Variants in PLCXD3 observed in about 807,000 individuals in gnomAD.
PLCXD3 encodes PI-PLC X domain-containing protein 3.
In PLCXD3, 19 loss-of-function variants were observed where a neutral mutation model predicts 25.5. That is an observed-to-expected ratio of 0.75 (90% CI 0.52 to 1.09). The LOEUF (loss-of-function observed/expected upper bound fraction) is 1.09, where lower values mean the gene tolerates loss of function less well. Ranked by LOEUF, PLCXD3 falls within the 50% of genes least tolerant of loss-of-function variation. The pLI is 0.00. For synonymous variants in PLCXD3, 174 were observed against 137.6 expected, an observed-to-expected ratio of 1.26 and a Z score of -1.85; for missense variants, 411 against 388.1, an observed-to-expected ratio of 1.06 and a Z score of -0.50.
At chr5:41,333,506 G>A (rs1743893062) in intron 2 of PLCXD3, among the ~76,000 whole-genome samples, 1 of 152,102 alleles carries the variant, frequency 6.6e-6, no homozygotes, top group African/African-American at 2.4e-5. Context: ...AATAACCTCA[G>A]GTAGACAAAT....
intron 2 of PLCXD3, among the ~76,000 whole-genome samples, chr5:41,358,197 G>A (rs543288355): frequency 1.3e-5 from 2 of 152,312 alleles, no homozygotes; most frequent in South Asian, 2.1e-4. Flanking sequence ...GAGGAACTGA[G>A]GTTCAGAGGG....
intron 2 of PLCXD3, 114 bp from the exon 3 acceptor site, chr5:41,313,884 T>C (rs1743213794): frequency 7.8e-7 from 1 of 1,284,708 alleles, no homozygotes; most frequent in Non-Finnish European, 1.0e-6. Flanking sequence ...GTTTCACGTA[T>C]AGGTACAGGA....
chr5:41,462,175 G>A (rs139931900), intron 1 of PLCXD3, among the ~76,000 whole-genome samples: 2 of 152,092 alleles, frequency 1.3e-5, no homozygotes, highest in East Asian at 1.9e-4. Context: ...TGCATATAGG[G>A]TTGCTCCTAG....
chr5:41,368,285 T>C (rs564284854), intron 2 of PLCXD3, among the ~76,000 whole-genome samples: 2 of 152,160 alleles, frequency 1.3e-5, no homozygotes, highest in Non-Finnish European at 2.9e-5. Flanking sequence ...TTTGGCTCTA[T>C]ATTTGGTTCA....
intron 1 of PLCXD3, among the ~76,000 whole-genome samples, chr5:41,410,961 G>T (rs968804181): frequency 1.3e-5 from 2 of 152,164 alleles, no homozygotes; most frequent in African/African-American, 4.8e-5. Flanking sequence ...GGGCAGTCTT[G>T]AGTATATGTA....
At chr5:41,418,911 C>G (rs746766857) in intron 1 of PLCXD3, among the ~76,000 whole-genome samples, 3 of 152,156 alleles carry the variant, frequency 2.0e-5, no homozygotes, top group African/African-American at 4.8e-5. Flanking sequence ...TCACAAAAGG[C>G]ACCTTGTAAA....
chr5:41,506,628 G>T (rs1749056764), intron 1 of PLCXD3, among the ~76,000 whole-genome samples: 1 of 152,138 alleles, frequency 6.6e-6, no homozygotes. Flanking sequence ...GTTGGCTCCA[G>T]GAACACAGGC....
intron 2 of PLCXD3, among the ~76,000 whole-genome samples, chr5:41,332,919 G>C (rs1024537947): frequency 6.6e-6 from 1 of 152,070 alleles, no homozygotes; most frequent in Non-Finnish European, 1.5e-5. Flanking sequence ...ACAGGAAGGG[G>C]AACATCACAC....
chr5:41,457,604 A>G (rs957070126), intron 1 of PLCXD3, among the ~76,000 whole-genome samples: 3 of 151,946 alleles, frequency 2.0e-5, no homozygotes, highest in African/African-American at 7.2e-5. Flanking sequence ...TAAGCTGTCT[A>G]TATTCAAGTG....
intron 2 of PLCXD3, among the ~76,000 whole-genome samples, chr5:41,370,621 T>A (rs902383858): frequency 2.0e-5 from 3 of 152,192 alleles, no homozygotes; most frequent in Admixed American, 2.0e-4. Flanking sequence ...ACTAGCCATT[T>A]ATACTTGTCA....
chr5:41,490,553 T>A (rs992045553), intron 1 of PLCXD3, among the ~76,000 whole-genome samples: 1 of 152,214 alleles, frequency 6.6e-6, no homozygotes, highest in African/African-American at 2.4e-5. Context: ...TGGCTGTGAA[T>A]CCATCTGGTC....
intron 2 of PLCXD3, among the ~76,000 whole-genome samples, chr5:41,326,826 T>C (rs1168572358): frequency 6.6e-6 from 1 of 151,852 alleles, no homozygotes; most frequent in Non-Finnish European, 1.5e-5. Context: ...CATATTGTAT[T>C]CATTAATACA....
intron 1 of PLCXD3, among the ~76,000 whole-genome samples, chr5:41,410,157 T>TTTTTTTTTA (rs1190270095): frequency 8.3e-6 from 1 of 120,934 alleles, no homozygotes; most frequent in South Asian, 2.7e-4. Context: ...TTTTTTTTTT[T>TTTTTTTTTA]GAGACGGAGT....
At chr5:41,342,265 G>T (rs1331380039) in intron 2 of PLCXD3, among the ~76,000 whole-genome samples, 1 of 152,162 alleles carries the variant, frequency 6.6e-6, no homozygotes, top group Non-Finnish European at 1.5e-5. Context: ...GTTACTGCCT[G>T]CCAGGCACTG....
intron 1 of PLCXD3, among the ~76,000 whole-genome samples, chr5:41,489,578 C>T (rs1748606443): frequency 6.6e-6 from 1 of 151,586 alleles, no homozygotes; most frequent in Admixed American, 6.6e-5. Flanking sequence ...AATGTTCTTC[C>T]ATTTGTTTGT....
At chr5:41,382,638 G>GA (rs1181386091) in intron 1 of PLCXD3, 104 bp from the exon 2 acceptor site, 13 of 869,944 alleles carry the variant, frequency 1.5e-5, no homozygotes, top group Non-Finnish European at 2.2e-5. Context: ...ATGAGCCACA[G>GA]AAAATACTAA....
intron 2 of PLCXD3, among the ~76,000 whole-genome samples, chr5:41,339,450 A>AT (rs70988843): frequency 0.014 from 2,102 of 147,932 alleles, 42 homozygotes; most frequent in African/African-American, 0.047. Flanking sequence ...AAATCATACT[A>AT]TTTTTTTTTT....
intron 1 of PLCXD3, among the ~76,000 whole-genome samples, chr5:41,434,218 C>T (rs946828192): frequency 6.6e-6 from 1 of 152,184 alleles, no homozygotes; most frequent in Admixed American, 6.5e-5. Context: ...TATCACAAAG[C>T]ACCCTGGGTT....
chr5:41,396,202 G>A (rs1388134651), intron 1 of PLCXD3, among the ~76,000 whole-genome samples: 1 of 152,156 alleles, frequency 6.6e-6, no homozygotes, highest in Non-Finnish European at 1.5e-5. Flanking sequence ...AATGTTAGGG[G>A]AGGAACTTGG....
Sources: gnomAD v4.1 joint callset for allele counts (sites outside exome capture counted in the v4.1 genomes callset) on GRCh38, gnomAD v4.1.1 for gene constraint, MANE v1.5 for transcripts, NCBI Gene and HGNC (gene_info 2026-07-23, HGNC 2026-07-21) for gene names.